The following PKD1L1 variants were observed in gnomAD, a reference collection of about 807,000 sequenced individuals.
PKD1L1 encodes polycystin 1 like 1, transient receptor potential channel interacting.
In PKD1L1, 236 loss-of-function variants were observed where a neutral mutation model predicts 323.4. The observed-to-expected ratio is 0.73, with a 90% CI of 0.66 to 0.81. The LOEUF (loss-of-function observed/expected upper bound fraction) is 0.81, where lower values mean the gene tolerates loss of function less well. Among genes scored for constraint, PKD1L1 ranks in the 40% least tolerant of loss-of-function variants. The pLI is 0.00. For missense variants in PKD1L1, 3,320 were observed against 3,508.0 expected, an observed-to-expected ratio of 0.95 and a Z score of 1.35; for synonymous variants, 1,344 against 1,335.0, an observed-to-expected ratio of 1.01 and a Z score of -0.15.
At chr7:47,885,198 A>G (rs74752552) in intron 18 of PKD1L1, among the ~76,000 whole-genome samples, 6,975 of 152,296 alleles carry the variant, frequency 0.046, 383 homozygotes, top group African/African-American at 0.14. Context: ...CATGCAGAGC[A>G]TGAGACCACC....
At chr7:47,871,992 G>T (rs1296843157) in intron 24 of PKD1L1, among the ~76,000 whole-genome samples, 2 of 152,190 alleles carry the variant, frequency 1.3e-5, no homozygotes, top group Non-Finnish European at 2.9e-5. Context: ...GCTATCTCTA[G>T]TGACAGATGA....
At chr7:47,838,760 C>A (rs1008632496) in intron 36 of PKD1L1, among the ~76,000 whole-genome samples, 1 of 151,798 alleles carries the variant, frequency 6.6e-6, no homozygotes, top group South Asian at 2.1e-4. Flanking sequence ...TGCCTGTAGT[C>A]CCAGCTACTC....
chr7:47,929,079 C>G (rs753426154), intron 7 of PKD1L1, 125 bp downstream of exon 7: 5 of 992,890 alleles, frequency 5.0e-6, no homozygotes, highest in Middle Eastern at 3.1e-4. Flanking sequence ...TTCTTGGAGC[C>G]AGGAAGGTTG....
Position 47,865,568 on chromosome 7 carries a change from A to ATTATTTTATTTTATT in PKD1L1, c.4093-311_4093-297dup, listed in dbSNP as rs376413474. ...TGCAGAGCTAAGCAACAATTTATTT[A>ATTATTTTATTTTATT]TTATTTTATTTTATTTTATTTTATT... On this transcript the variant is annotated intron_variant, in intron 25 of 56. Transcript: ENST00000289672. 9.7e-3 allele frequency among the ~76,000 whole-genome samples: 1,360 copies of ATTATTTTATTTTATT among 140,550 alleles called. 57 individuals carry two copies. The highest frequency in any genetic ancestry group is 0.032 in the African/African-American group (1,156 of 35,986). 92.2% of individuals were successfully genotyped at this position (140,550 alleles called of 152,430 possible). A position where few individuals can be genotyped will look rare whatever the true frequency, so the allele number is the denominator to read the frequency against.
At chr7:47,788,575 ATAT>A (rs1358492400) in intron 56 of PKD1L1, among the ~76,000 whole-genome samples, 16 of 96,836 alleles carry the variant, frequency 1.7e-4, no homozygotes, top group African/African-American at 6.7e-4. Flanking sequence ...ATATATATAT[ATAT>A]TTTTTTTTTT....
chr7:47,947,269 C>A (rs56109653), intron 1 of PKD1L1, among the ~76,000 whole-genome samples: 6,413 of 152,290 alleles, frequency 0.042, 203 homozygotes, highest in Non-Finnish European at 0.06. Flanking sequence ...AGTAAGCTAA[C>A]AAAGGCAGAA....
intron 44 of PKD1L1, among the ~76,000 whole-genome samples, chr7:47,828,165 C>T (rs555256484): frequency 5.3e-5 from 8 of 152,164 alleles, no homozygotes; most frequent in South Asian, 4.2e-4. Flanking sequence ...ACACGTGTGG[C>T]GGAGAGATCC....
At chr7:47,947,754 T>G (rs1194425140) in intron 1 of PKD1L1, among the ~76,000 whole-genome samples, 1 of 152,062 alleles carries the variant, frequency 6.6e-6, no homozygotes, top group Non-Finnish European at 1.5e-5. Flanking sequence ...GATCACAAGG[T>G]CAGGAGATCG....
intron 56 of PKD1L1, among the ~76,000 whole-genome samples, chr7:47,788,882 C>G (rs1786876053): frequency 1.3e-5 from 2 of 152,028 alleles, no homozygotes; most frequent in African/African-American, 2.4e-5. Context: ...CAGGTGTAAG[C>G]CACCGTGCTT....
chr7:47,897,346 C>G (rs1310025734), intron 14 of PKD1L1, among the ~76,000 whole-genome samples: 1 of 152,184 alleles, frequency 6.6e-6, no homozygotes, highest in Non-Finnish European at 1.5e-5. Flanking sequence ...CCTGGCCTGC[C>G]CACTGTGCAA....
At chr7:47,881,759 T>C (rs1786558213) in intron 20 of PKD1L1, 150 bp downstream of exon 20, 2 of 748,584 alleles carry the variant, frequency 2.7e-6, no homozygotes, top group Non-Finnish European at 4.2e-6. Flanking sequence ...TCTCAGGCCA[T>C]AGTCCATAGA....
rs533332194 is a variant in PKD1L1 at position 47,922,979 on chromosome 7, C to A, written c.1060+6225G>T. The stretch of plus-strand genomic sequence containing the variant: ...TAGACATAGGAGACTCCATTTTGTT[C>A]TGTACTAAGAAAAATTCTTCTGCCT... On this transcript the variant is annotated intron_variant, in intron 7 of 56. Coordinates refer to ENST00000289672, the MANE Select transcript of PKD1L1 (RefSeq NM_138295.5). Among the ~76,000 whole-genome samples, 3 of 152,338 alleles carry A rather than the reference C, an allele frequency of 2.0e-5. No individual in the cohort carries two copies. In the East Asian group the frequency reaches 5.8e-4, roughly 29 times the overall value.
chr7:47,794,169 G>A (rs193008715), intron 55 of PKD1L1, among the ~76,000 whole-genome samples: 4 of 152,314 alleles, frequency 2.6e-5, no homozygotes, highest in Non-Finnish European at 4.4e-5. Context: ...GCAGAAATTT[G>A]CATAAGTAGC....
chr7:47,784,595 C>A (rs1356076081), intron 56 of PKD1L1, among the ~76,000 whole-genome samples: 1 of 152,058 alleles, frequency 6.6e-6, no homozygotes, highest in Non-Finnish European at 1.5e-5. Context: ...GCCTCAGCCT[C>A]CCAAGTAGCT....
chr7:47,897,962 G>A (rs779808333), intron 14 of PKD1L1, 26 bp downstream of exon 14: 7 of 1,567,062 alleles, frequency 4.5e-6, no homozygotes, highest in Admixed American at 1.8e-5. Flanking sequence ...CATTGGGCCA[G>A]TAGAGCAGTA....
At position 47,829,444 on chromosome 7, in the gene PKD1L1, C is replaced by T. The variant is rs766014822; in HGVS notation, c.6716G>A (p.Cys2239Tyr). ...TTTTACTTTTTCAACCTCGCCTGCACAGTCAGGAATACTGCAGCTTGAAGA... is the reference window on the plus strand; with the variant it reads ...TTTTACTTTTTCAACCTCGCCTGCATAGTCAGGAATACTGCAGCTTGAAGA... The part of the protein sequence containing the change: ...PFSSSCSIPD[C>Y]AGEVEKVLAA... The change falls in exon 44 of 57, where the codon TGT (cysteine) becomes TAT (tyrosine). Residue 2239 changes from cysteine (C) to tyrosine (Y), a missense_variant. Coordinates refer to ENST00000289672, the MANE Select transcript of PKD1L1 (RefSeq NM_138295.5). 6.7e-5 allele frequency: 108 copies of T among 1,609,776 alleles called. 2 individuals carry two copies. The South Asian group carries it at 1.1e-3, about 17-fold the overall frequency.
At position 47,776,364 on chromosome 7, in the gene PKD1L1, C is replaced by T. The variant is rs34487506; in HGVS notation, c.8527-1198G>A. Among the ~76,000 whole-genome samples, 110 of 152,290 alleles carry T rather than the reference C, an allele frequency of 7.2e-4. 1 individual carries two copies. Among genetic ancestry groups the T allele is most frequent in the Non-Finnish European group, 9.4e-4 (64 of 68,032 alleles). On this transcript the variant is annotated intron_variant, in intron 56 of 56. Transcript: ENST00000289672. ...ATACTAATATGAGATAAAGACATTA[C>T]AAGAACAGTAACAAAAAAACAAAAC...
chr7:47,925,223 G>A (rs571465774), intron 7 of PKD1L1, among the ~76,000 whole-genome samples: 19 of 152,210 alleles, frequency 1.2e-4, no homozygotes, highest in Middle Eastern at 3.4e-3. Flanking sequence ...ATAAAGAAAT[G>A]TTCAGGCCGG....
At chr7:47,941,403 C>A (rs1032960706) in intron 2 of PKD1L1, among the ~76,000 whole-genome samples, 7 of 152,326 alleles carry the variant, frequency 4.6e-5, no homozygotes, top group African/African-American at 1.7e-4. Flanking sequence ...AATCCCTGCA[C>A]CCCAGCAGTG....
Sources: allele counts gnomAD v4.1 joint callset (sites outside exome capture counted in the v4.1 genomes callset), GRCh38; gene constraint gnomAD v4.1.1; transcripts MANE v1.5; gene names NCBI Gene and HGNC (gene_info 2026-07-23, HGNC 2026-07-21).